Variants in MTUS1 observed in about 807,000 individuals in gnomAD.
MTUS1 encodes the protein microtubule-associated tumor suppressor 1.
Under a neutral mutation model 120.8 loss-of-function variants are expected in MTUS1, and 109 were observed. The ratio of observed to expected loss-of-function variants is 0.90; its 90% confidence interval spans 0.77 to 1.06. MTUS1 has a LOEUF of 1.06. Ranked by LOEUF, MTUS1 falls within the 50% of genes least tolerant of loss-of-function variation. The pLI is 0.00. For synonymous variants in MTUS1, 737 were observed against 550.5 expected (o/e 1.34, Z -4.74); for missense variants, 2,210 against 1,486.3 (o/e 1.49, Z -8.01).
chr8:17,645,723 A>T lies in MTUS1; in HGVS notation c.*203T>A. 1 of 560,238 alleles carries T rather than the reference A, an allele frequency of 1.8e-6. No homozygotes were observed. The highest frequency in any genetic ancestry group is 2.9e-6 in the Non-Finnish European group (1 of 349,392). The allele number at this position is 560,238 out of a possible 1,614,324, so 34.7% of individuals were successfully genotyped here. ...AATCTTTTTTTAAATCTTTTTTTGG[A>T]GGAATCTTTTGGACGGAGGCAAAAG... On this transcript the variant is annotated 3_prime_UTR_variant, in exon 15 of 15. Transcript: ENST00000693296.
intron 8 of MTUS1, among the ~76,000 whole-genome samples, chr8:17,672,524 T>G (rs1484925647): frequency 2.0e-5 from 3 of 152,208 alleles, no homozygotes; most frequent in Non-Finnish European, 4.4e-5. Context: ...ATGTCAAAGT[T>G]AGTTTCATGC....
At chr8:17,785,137 T>C (rs1307149940) in intron 1 of MTUS1, among the ~76,000 whole-genome samples, 2 of 66,214 alleles carry the variant, frequency 3.0e-5, no homozygotes, top group Non-Finnish European at 1.0e-4. Flanking sequence ...CTCTATCACA[T>C]GCAGCTTCTT....
At chr8:17,760,585 T>G (rs1469195600) in intron 1 of MTUS1, among the ~76,000 whole-genome samples, 3 of 152,208 alleles carry the variant, frequency 2.0e-5, no homozygotes, top group East Asian at 1.9e-4. Context: ...TTTGTTTTAC[T>G]GCCTATTTTA....
chr8:17,682,703 G>C, intron 7 of MTUS1, among the ~76,000 whole-genome samples: 1 of 151,766 alleles, frequency 6.6e-6, no homozygotes, highest in Non-Finnish European at 1.5e-5. Context: ...TTGAGGATGG[G>C]GGCTATTAGG....
At chr8:17,731,524 A>C (rs948203183) in intron 3 of MTUS1, among the ~76,000 whole-genome samples, 1 of 152,238 alleles carries the variant, frequency 6.6e-6, no homozygotes, top group African/African-American at 2.4e-5. Context: ...CAAAGGGCTT[A>C]AGATGAAACC....
chr8:17,650,008 A>G (rs1806646416), intron 12 of MTUS1, 46 bp from the exon 13 acceptor site: 5 of 967,608 alleles, frequency 5.2e-6, no homozygotes, highest in Non-Finnish European at 8.4e-6. Flanking sequence ...ACATAGTTCA[A>G]ATTCTTAACA....
At chr8:17,735,813 T>C (rs1274303443) in intron 3 of MTUS1, among the ~76,000 whole-genome samples, 2 of 152,212 alleles carry the variant, frequency 1.3e-5, no homozygotes, top group Non-Finnish European at 2.9e-5. Flanking sequence ...CTGGAAAATA[T>C]GAAAATAACT....
chr8:17,791,471 C>A (rs768167294), intron 1 of MTUS1, among the ~76,000 whole-genome samples: 45 of 152,124 alleles, frequency 3.0e-4, no homozygotes, highest in Non-Finnish European at 5.7e-4. Context: ...ATCCACAAGT[C>A]CAAGATTAGT....
chr8:17,740,394 C>G (rs550952798), intron 3 of MTUS1, among the ~76,000 whole-genome samples: 1 of 152,204 alleles, frequency 6.6e-6, no homozygotes, highest in African/African-American at 2.4e-5. Flanking sequence ...CTGCCGCTTA[C>G]CTTTCAGCAG....
At chr8:17,713,183 T>C in intron 6 of MTUS1, 31 bp downstream of exon 6, 1 of 1,554,170 alleles carries the variant, frequency 6.4e-7, no homozygotes, top group Non-Finnish European at 8.8e-7. Context: ...AAAAGATTCT[T>C]TTTATCGCCA....
chr8:17,653,902 A>T (rs1807610106), intron 10 of MTUS1: 1 of 161,408 alleles, frequency 6.2e-6, no homozygotes, highest in Non-Finnish European at 1.3e-5. Context: ...AGCAGGAAGG[A>T]AGAAAAACAA....
chr8:17,783,827 G>A (rs1041700954), intron 1 of MTUS1, among the ~76,000 whole-genome samples: 1 of 152,162 alleles, frequency 6.6e-6, no homozygotes, highest in Non-Finnish European at 1.5e-5. Context: ...ACGGCAATCT[G>A]AGGCTCTGCT....
chr8:17,651,137 T>A (rs1806895917), intron 12 of MTUS1, among the ~76,000 whole-genome samples: 1 of 152,192 alleles, frequency 6.6e-6, no homozygotes, highest in African/African-American at 2.4e-5. Flanking sequence ...ACATCTTTAA[T>A]TCTAGGTTCT....
At chr8:17,749,478 A>G (rs1037187520) in intron 2 of MTUS1, among the ~76,000 whole-genome samples, 4 of 151,806 alleles carry the variant, frequency 2.6e-5, no homozygotes, top group Non-Finnish European at 5.9e-5. Flanking sequence ...GGCCAACATG[A>G]GGAAAGCCAG....
At position 17,730,722 on chromosome 8, in the gene MTUS1, G is replaced by T. The variant is rs1431873512; in HGVS notation, c.2288-6889C>A. Among the ~76,000 whole-genome samples, 8 of 152,308 alleles carry T rather than the reference G, an allele frequency of 5.3e-5. No individual in the cohort carries two copies. In the East Asian group the frequency reaches 1.2e-3, roughly 22 times the overall value. On this transcript the variant is annotated intron_variant, in intron 3 of 14. Transcript: ENST00000693296. ...GAGGACACGGTGCTAAGTGAAATAA[G>T]CCAGTTATAAATAATGTATGATTCT... is the stretch of plus-strand genomic sequence containing the variant.
At chr8:17,714,895 T>A (rs1315772654) in intron 5 of MTUS1, among the ~76,000 whole-genome samples, 1 of 51,222 alleles carries the variant, frequency 2.0e-5, no homozygotes, top group Non-Finnish European at 4.1e-5. Flanking sequence ...CAAATAATGC[T>A]TTTTTTTTTT....
chr8:17,693,285 T>C (rs781519292), intron 6 of MTUS1: 11 of 152,190 alleles, frequency 7.2e-5, no homozygotes, highest in Admixed American at 2.0e-4. Flanking sequence ...TCACTGGACT[T>C]CTTAGATTTT....
intron 4 of MTUS1, among the ~76,000 whole-genome samples, chr8:17,722,962 C>G (rs1310786366): frequency 1.3e-5 from 2 of 152,164 alleles, no homozygotes; most frequent in Admixed American, 6.5e-5. Context: ...TCTCATCATC[C>G]ATGAAAATAC....
Position 17,755,622 on chromosome 8 carries a change from A to T in MTUS1, c.186T>A (p.Pro62=). 1 of 1,614,214 alleles carries T rather than the reference A, an allele frequency of 6.2e-7. No homozygotes were observed. Among genetic ancestry groups the T allele is most frequent in the Non-Finnish European group, 8.5e-7 (1 of 1,180,022 alleles). The change falls in exon 2 of 15, where the codon CCT becomes CCA. Residue 62 remains proline (P), a synonymous_variant. Transcript: ENST00000693296. ...AAATATTTTCACCAGTAACTACAGC[A>T]GGGTCAGTTTCATAATCAACCACCA... ...DDMVVDYETD[P]AVVTGENISL...
Sources: gnomAD v4.1 joint callset for allele counts (sites outside exome capture counted in the v4.1 genomes callset) on GRCh38, gnomAD v4.1.1 for gene constraint, MANE v1.5 for transcripts, NCBI Gene and HGNC (gene_info 2026-07-23, HGNC 2026-07-21) for gene names.